The following SULT1B1 variants were observed in gnomAD, a reference collection of about 807,000 sequenced individuals.
SULT1B1 encodes sulfotransferase 1B1.
SULT1B1 carries 28 observed loss-of-function variants against 34.6 expected under a neutral mutation model. That is an observed-to-expected ratio of 0.81 (90% CI 0.60 to 1.11). The LOEUF (loss-of-function observed/expected upper bound fraction) is 1.11, where lower values mean the gene tolerates loss of function less well. SULT1B1 is among the 50% of genes least tolerant of loss of function. The pLI is 0.00. For synonymous variants in SULT1B1, 147 were observed against 110.2 expected, an observed-to-expected ratio of 1.33 and a Z score of -2.09; for missense variants, 374 against 352.2, an observed-to-expected ratio of 1.06 and a Z score of -0.50.
In SULT1B1 at chr4:69,725,256, A is replaced by G. The variant is rs576414748; in HGVS notation, c.*1832T>C. The G allele has an allele frequency of 9.8e-5, 15 of 152,352 alleles. No individual in the cohort carries two copies. In the South Asian group the frequency reaches 3.1e-3, roughly 32 times the overall value. The allele number at this position is 152,352 out of a possible 1,614,324, so 9.4% of individuals were successfully genotyped here. On this transcript the variant is annotated 3_prime_UTR_variant, in exon 8 of 8. Transcript: ENST00000310613. ...AAAAGAAGACATTTATGCAGCCAACAGACACATGAAAAAATGCTCATCATC... is the reference window on the plus strand; with the variant it reads ...AAAAGAAGACATTTATGCAGCCAACGGACACATGAAAAAATGCTCATCATC...
At position 69,749,919 on chromosome 4, in the gene SULT1B1, G is replaced by C. The variant is rs72849871; in HGVS notation, c.278-101C>G. 1,064 of 776,912 alleles carry C rather than the reference G, an allele frequency of 1.4e-3. 10 individuals are homozygous for C. In the African/African-American group the frequency reaches 0.015, roughly 11 times the overall value. 48.1% of individuals were successfully genotyped at this position (776,912 alleles called of 1,614,324 possible). ...TTTTCAAGACATTTTTGAGCATTATGTAATGCAGATAAATTCTGAAACAAT... is the reference window on the plus strand; with the variant it reads ...TTTTCAAGACATTTTTGAGCATTATCTAATGCAGATAAATTCTGAAACAAT... On this transcript the variant is annotated intron_variant, in intron 3 of 7. Coordinates refer to ENST00000310613, the MANE Select transcript of SULT1B1 (RefSeq NM_014465.4).
In SULT1B1 at chr4:69,759,634, A is replaced by G. The variant is rs1212160236; in HGVS notation, c.-45+825T>C. On this transcript the variant is annotated intron_variant, in intron 1 of 7. Coordinates refer to ENST00000310613, the MANE Select transcript of SULT1B1 (RefSeq NM_014465.4). ...GAGTTCTGAATTATATGGGGAGAAG[A>G]GTATGGAGAGGAGGACTGGAAGATG... 2.6e-5 allele frequency among the ~76,000 whole-genome samples: 4 copies of G among 152,226 alleles called. No individual in the cohort carries two copies. In the East Asian group the frequency reaches 7.7e-4, roughly 29 times the overall value.
At chr4:69,730,365 C>G in intron 7 of SULT1B1, 136 bp downstream of exon 7, 1 of 632,806 alleles carries the variant, frequency 1.6e-6, no homozygotes, top group Non-Finnish European at 2.5e-6. Flanking sequence ...TGAATCTCAG[C>G]AACTTTTGGT....
At chr4:69,754,306 A>G (rs895594441) in intron 3 of SULT1B1, among the ~76,000 whole-genome samples, 6 of 152,182 alleles carry the variant, frequency 3.9e-5, no homozygotes, top group Non-Finnish European at 7.4e-5. Context: ...TAATAGTATT[A>G]GTGAATTTTA....
Position 69,732,787 on chromosome 4 carries a change from G to C in SULT1B1, c.597+626C>G, listed in dbSNP as rs374618445. ...ACAGTGAGATAGTAAGGAAGTAAAG[G>C]AGGGAATGTTTTGAAAGATACAATA... On this transcript the variant is annotated intron_variant, in intron 6 of 7. Coordinates refer to ENST00000310613, the MANE Select transcript of SULT1B1 (RefSeq NM_014465.4). 1.1e-4 allele frequency among the ~76,000 whole-genome samples: 17 copies of C among 151,174 alleles called. No individual in the cohort carries two copies. The East Asian group carries it at 2.1e-3, about 19-fold the overall frequency.
At chr4:69,736,879 C>G (rs1250547556) in intron 4 of SULT1B1, among the ~76,000 whole-genome samples, 1 of 151,840 alleles carries the variant, frequency 6.6e-6, no homozygotes, top group Non-Finnish European at 1.5e-5. Flanking sequence ...AAAGGCCTAA[C>G]ATTTGTATGT....
chr4:69,729,798 G>A (rs183571156), intron 7 of SULT1B1, among the ~76,000 whole-genome samples: 8 of 151,968 alleles, frequency 5.3e-5, no homozygotes, highest in South Asian at 2.1e-4. Flanking sequence ...AAAACAGATC[G>A]TGGCATTATT....
At chr4:69,748,882 C>T (rs965362838) in intron 4 of SULT1B1, among the ~76,000 whole-genome samples, 11 of 151,958 alleles carry the variant, frequency 7.2e-5, no homozygotes, top group Non-Finnish European at 7.4e-5. Flanking sequence ...ATATTTACAA[C>T]ACTAAAGGCT....
chr4:69,734,095 A>T, intron 5 of SULT1B1, 43 bp downstream of exon 5: 1 of 1,434,502 alleles, frequency 7.0e-7, no homozygotes. Context: ...TAGTATTATT[A>T]AAATAAAAAA....
chr4:69,729,252 T>A (rs1461342032), intron 7 of SULT1B1, among the ~76,000 whole-genome samples: 1 of 152,070 alleles, frequency 6.6e-6, no homozygotes, highest in African/African-American at 2.4e-5. Context: ...CCAGGTTCAC[T>A]TATATGCAGT....
chr4:69,755,600 C>T (rs1719158408), intron 1 of SULT1B1, among the ~76,000 whole-genome samples: 1 of 152,182 alleles, frequency 6.6e-6, no homozygotes, highest in South Asian at 2.1e-4. Context: ...ATTAAGACTT[C>T]AGCTACACGT....
At chr4:69,743,969 C>T (rs1475416021) in intron 4 of SULT1B1, among the ~76,000 whole-genome samples, 3 of 152,132 alleles carry the variant, frequency 2.0e-5, no homozygotes, top group Admixed American at 2.0e-4. Context: ...CTCCTGCCTG[C>T]TCCTGGCCCC....
At chr4:69,728,219 TTCCAGTGATCTGA>T (rs1717914559) in intron 7 of SULT1B1, among the ~76,000 whole-genome samples, 1 of 152,036 alleles carries the variant, frequency 6.6e-6, no homozygotes, top group Non-Finnish European at 1.5e-5. Flanking sequence ...ATATAAATCA[TTCCAGTGATCTGA>T]TCTGCATATA....
intron 6 of SULT1B1, 83 bp downstream of exon 6, chr4:69,733,330 G>T: frequency 1.0e-6 from 1 of 960,352 alleles, no homozygotes; most frequent in South Asian, 2.0e-5. Context: ...GGACTCGATA[G>T]ACTAAGTTGG....
At chr4:69,730,799 T>A (rs1309782583) in intron 6 of SULT1B1, 118 bp from the exon 7 acceptor site, 1 of 860,488 alleles carries the variant, frequency 1.2e-6, no homozygotes, top group Non-Finnish European at 1.7e-6. Flanking sequence ...GAAATCCATA[T>A]TTGTTTGGGT....
At chr4:69,751,669 GTC>G (rs1451249859) in intron 3 of SULT1B1, among the ~76,000 whole-genome samples, 1 of 152,062 alleles carries the variant, frequency 6.6e-6, no homozygotes, top group African/African-American at 2.4e-5. Context: ...AGCCAGGACT[GTC>G]TCGATCTCCT....
At chr4:69,738,764 G>T (rs1363553280) in intron 4 of SULT1B1, among the ~76,000 whole-genome samples, 2 of 152,068 alleles carry the variant, frequency 1.3e-5, no homozygotes, top group East Asian at 3.9e-4. Flanking sequence ...CAAGTCCAAA[G>T]TCTCATCTGA....
intron 6 of SULT1B1, among the ~76,000 whole-genome samples, chr4:69,731,932 G>A (rs1470501495): frequency 6.6e-6 from 1 of 152,132 alleles, no homozygotes; most frequent in Non-Finnish European, 1.5e-5. Flanking sequence ...GTATTTCTTA[G>A]TCTTATGGAG....
chr4:69,729,322 A>G (rs1717967288), intron 7 of SULT1B1, among the ~76,000 whole-genome samples: 1 of 151,996 alleles, frequency 6.6e-6, no homozygotes, highest in African/African-American at 2.4e-5. Flanking sequence ...ACCCACCCAC[A>G]TGTTTTGAGT....
Sources: allele counts gnomAD v4.1 joint callset (sites outside exome capture counted in the v4.1 genomes callset), GRCh38; gene constraint gnomAD v4.1.1; transcripts MANE v1.5; gene names NCBI Gene and HGNC (gene_info 2026-07-23, HGNC 2026-07-21).